The following ENTR1 variants were observed in gnomAD, a reference collection of about 807,000 sequenced individuals.
The protein encoded by ENTR1 is endosome-associated-trafficking regulator 1.
A neutral mutation model predicts 47.9 loss-of-function variants in ENTR1; 47 were observed. That is an observed-to-expected ratio of 0.98 (90% CI 0.78 to 1.25). The LOEUF (loss-of-function observed/expected upper bound fraction) is 1.25. Among genes scored for constraint, ENTR1 ranks in the 50% most tolerant of loss-of-function variants. The pLI is 0.00. For missense variants in ENTR1, 668 were observed against 570.5 expected (o/e 1.17, Z -1.74); for synonymous variants, 290 against 245.8 (o/e 1.18, Z -1.68).
In ENTR1 at chr9:136,402,856, G is replaced by C. The variant is rs1325536746; in HGVS notation, c.1240C>G (p.Leu414Val). Residue 414 changes from leucine (L) to valine (V), a missense_variant, in exon 10 of 10, where the codon CTT becomes GTT. Physicochemically the swap from Leu to Val is conservative, Grantham distance 32 (BLOSUM62 1). Transcript: ENST00000357365. ...QLVSGAETLN[L>V]VAEILKSIDR... ...ATAGATTTAAGGATTTCGGCAACAA[G>C]ATTCAGTGTCTCAGCTCCGGAAACC... The C allele has an allele frequency of 2.5e-6, 4 of 1,612,516 alleles. No individual in the cohort carries two copies. In the South Asian group the frequency reaches 4.4e-5, roughly 18 times the overall value.
chr9:136,403,506 T>TG (rs1379511408), intron 9 of ENTR1, among the ~76,000 whole-genome samples: 1 of 134,702 alleles, frequency 7.4e-6, no homozygotes, highest in African/African-American at 2.8e-5. Context: ...AGGGAGGGGC[T>TG]GGGGGAGAAC....
rs1053781098 is a variant in ENTR1, at chr9:136,409,175, CTA to C, written c.221-110_221-109del. The C allele has an allele frequency of 2.0e-5, 17 of 839,994 alleles. No individual in the cohort carries two copies. The African/African-American group carries it at 2.6e-4, about 13-fold the overall frequency. The allele number at this position is 839,994 out of a possible 1,614,324, so 52.0% of individuals were successfully genotyped here. A position where few individuals can be genotyped will look rare whatever the true frequency, so the allele number is the denominator to read the frequency against. ...TCTCCACTGCAGTGGTTCTCACAGT[CTA>C]GAGAACTTTTTTTTTTTTTTTGAGA... On this transcript the variant is annotated intron_variant, in intron 2 of 9. Transcript: ENST00000357365.
intron 4 of ENTR1, 48 bp from the exon 5 acceptor site, chr9:136,407,609 C>G (rs781414022): frequency 2.0e-6 from 3 of 1,502,792 alleles, no homozygotes; most frequent in Non-Finnish European, 2.7e-6. Flanking sequence ...GCTTCTGACT[C>G]GGAGCGCATC....
At chr9:136,405,380 A>C in intron 6 of ENTR1, 178 bp from the exon 7 acceptor site, 1 of 581,360 alleles carries the variant, frequency 1.7e-6, no homozygotes, top group Non-Finnish European at 3.1e-6. Context: ...GCAGGCGTGC[A>C]GGGAGCGGCT....
chr9:136,410,351 G>A lies in ENTR1; in HGVS notation c.47C>T (p.Ala16Val), dbSNP rs1370367227. ...RRPGATPLSRARSLAIPDAPA... is the reference protein window; with the variant it reads ...RRPGATPLSRVRSLAIPDAPA... ...ACCGTCGGGAATGGCGAGGCTCCGG[G>A]CTCGGGACAGCGGGGTGGCGCCCGG... is the stretch of plus-strand genomic sequence containing the variant. The change falls in exon 1 of 10, where the codon GCC becomes GTC. Residue 16 changes from alanine (A) to valine (V), a missense_variant. Physicochemically the swap from Ala to Val is moderately conservative, Grantham distance 64 (BLOSUM62 0). Transcript: ENST00000357365. The A allele has an allele frequency of 1.0e-5, 16 of 1,539,280 alleles. No individual in the cohort carries two copies. The highest frequency in any genetic ancestry group is 1.4e-5 in the Non-Finnish European group (16 of 1,143,776).
intron 7 of ENTR1, 101 bp downstream of exon 7, chr9:136,404,990 G>A (rs943971228): frequency 2.1e-5 from 20 of 931,242 alleles, no homozygotes; most frequent in Admixed American, 7.5e-5. Flanking sequence ...ACATGGCCCC[G>A]CTCCCAAGGG....
chr9:136,402,960 GGGGAGGGGTTGGTAGGGGGAAAAA>G (rs1389218500), intron 9 of ENTR1, 73 bp from the exon 10 acceptor site: 1 of 1,134,440 alleles, frequency 8.8e-7, no homozygotes, highest in Non-Finnish European at 1.3e-6. Flanking sequence ...GGGGGAGAAA[GGGGAGGGGTTGGTAGGGGGAAAAA>G]GGGAGGGGTT....
In ENTR1 at chr9:136,410,164, G is replaced by A; in HGVS notation, c.146C>T (p.Ser49Phe). ...GGCCGGCCGAATGCCGAAGAAGGGG[G>A]AGTCCAGGTCCCTGCCATGGGGGCG... ...CERPHGRDLD[S>F]PFFGIRPAFM... Residue 49 changes from serine (S) to phenylalanine (F), a missense_variant, in exon 2 of 10, where the codon TCC becomes TTC. Transcript: ENST00000357365. 1 of 1,612,058 alleles carries A rather than the reference G, an allele frequency of 6.2e-7. No homozygotes were observed. Among genetic ancestry groups the A allele is most frequent in the Non-Finnish European group, 8.5e-7 (1 of 1,179,682 alleles).
At chr9:136,404,549 A>C (rs903660600) in intron 8 of ENTR1, 82 bp downstream of exon 8, 1 of 1,442,518 alleles carries the variant, frequency 6.9e-7, no homozygotes, top group African/African-American at 1.4e-5. Flanking sequence ...ACCCCAGCAG[A>C]GTCTTTCGCC....
Position 136,407,393 on chromosome 9 carries a change from A to C in ENTR1, c.571T>G (p.Ser191Ala), listed in dbSNP as rs763138725. The change falls in exon 5 of 10, where the codon TCC (serine) becomes GCC (alanine). Residue 191 changes from serine to alanine, a missense_variant. Physicochemically the swap from Ser to Ala is moderately conservative, Grantham distance 99. Coordinates refer to ENST00000357365, the MANE Select transcript of ENTR1 (RefSeq NM_001039707.2). Reference protein sequence around the residue: ...DTGWSGAYLPSAIEQTHPERV... With the variant: ...DTGWSGAYLPAAIEQTHPERV... Reference sequence around the variant, plus strand: ...TCGGGGTGAGTCTGCTCGATGGCGGACGGCAGGTAGGCCCCACTCCATCCG... The same window carrying C: ...TCGGGGTGAGTCTGCTCGATGGCGGCCGGCAGGTAGGCCCCACTCCATCCG... 3 of 1,606,932 alleles carry C rather than the reference A, an allele frequency of 1.9e-6. No homozygotes were observed. The African/African-American group carries it at 4.0e-5, about 21-fold the overall frequency.
chr9:136,407,074 G>A, intron 5 of ENTR1, 71 bp downstream of exon 5: 1 of 1,466,614 alleles, frequency 6.8e-7, no homozygotes, highest in Non-Finnish European at 9.2e-7. Flanking sequence ...AGGTAGGATG[G>A]CTCCAGGTTC....
chr9:136,403,988 T>C, intron 9 of ENTR1, 67 bp downstream of exon 9: 1 of 1,490,312 alleles, frequency 6.7e-7, no homozygotes, highest in Non-Finnish European at 9.0e-7. Context: ...CCACCCAGGA[T>C]CACTGACGAC....
chr9:136,406,021 G>T, intron 5 of ENTR1, 43 bp from the exon 6 acceptor site: 1 of 1,465,386 alleles, frequency 6.8e-7, no homozygotes. Context: ...AGCATGTCTG[G>T]CTCAAAAGGG....
In ENTR1 at chr9:136,407,129, C is replaced by T. The variant is rs1040844620; in HGVS notation, c.819+16G>A. On this transcript the variant is annotated intron_variant, in intron 5 of 9. Transcript: ENST00000357365. The stretch of plus-strand genomic sequence containing the variant: ...GGACAGGCGCTGTGCCAGAGGGCGC[C>T]GTGAGGCTCACTTACTGCGTCGTAA... 8.9e-6 allele frequency: 14 copies of T among 1,572,628 alleles called. No individual in the cohort carries two copies. Among genetic ancestry groups the T allele is most frequent in the Admixed American group, 5.2e-5 (3 of 57,730 alleles).
At chr9:136,407,713 G>T in intron 4 of ENTR1, 113 bp downstream of exon 4, 1 of 1,370,044 alleles carries the variant, frequency 7.3e-7, no homozygotes, top group Non-Finnish European at 1.0e-6. Flanking sequence ...CTGCTCCCCA[G>T]CACTGACGCC....
chr9:136,410,161 G>C lies in ENTR1; in HGVS notation c.149C>G (p.Pro50Arg). ...AAAGGCCGGCCGAATGCCGAAGAAGGGGGAGTCCAGGTCCCTGCCATGGGG... is the reference window on the plus strand; with the variant it reads ...AAAGGCCGGCCGAATGCCGAAGAAGCGGGAGTCCAGGTCCCTGCCATGGGG... The part of the protein sequence containing the change: ...ERPHGRDLDS[P>R]FFGIRPAFMC... Residue 50 changes from proline (P) to arginine (R), a missense_variant, in exon 2 of 10, where the codon CCC becomes CGC. Physicochemically the swap from Pro to Arg is moderately radical, Grantham distance 103 (BLOSUM62 -2). Coordinates refer to ENST00000357365, the MANE Select transcript of ENTR1 (RefSeq NM_001039707.2). 6.2e-7 allele frequency: 1 copy of C among 1,612,076 alleles called. No individual in the cohort carries two copies. The highest frequency in any genetic ancestry group is 1.1e-5 in the South Asian group (1 of 90,898).
rs751779368 is a variant in ENTR1 at position 136,410,181 on chromosome 9, A to G, written c.129T>C (p.His43=). 1 of 1,608,746 alleles carries G rather than the reference A, an allele frequency of 6.2e-7. No homozygotes were observed. The highest frequency in any genetic ancestry group is 1.3e-5 in the African/African-American group (1 of 74,824). The change falls in exon 2 of 10, where the codon CAT becomes CAC. Residue 43 remains histidine (H), a synonymous_variant. Transcript: ENST00000357365. Reference sequence around the variant, plus strand: ...AGAAGGGGGAGTCCAGGTCCCTGCCATGGGGGCGCTCACAATTTAGCTGGG... The same window carrying G: ...AGAAGGGGGAGTCCAGGTCCCTGCCGTGGGGGCGCTCACAATTTAGCTGGG... ...CLPQLNCERP[H]GRDLDSPFFG...
chr9:136,404,027 G>T (rs565490364), intron 9 of ENTR1, 28 bp downstream of exon 9: 14 of 1,558,048 alleles, frequency 9.0e-6, no homozygotes, highest in South Asian at 1.2e-5. Context: ...TTCCCCGCCA[G>T]GCTTCCCGGT....
At chr9:136,404,534 G>A in intron 8 of ENTR1, 97 bp downstream of exon 8, 1 of 1,336,996 alleles carries the variant, frequency 7.5e-7, no homozygotes, top group Non-Finnish European at 1.1e-6. Context: ...TTGGGCTCAG[G>A]GGAAACCCCA....
Sources: allele counts gnomAD v4.1 joint callset (sites outside exome capture counted in the v4.1 genomes callset), GRCh38; gene constraint gnomAD v4.1.1; transcripts MANE v1.5; gene names NCBI Gene and HGNC (gene_info 2026-07-23, HGNC 2026-07-21).